The following ANKS1B variants were observed in gnomAD, a reference collection of about 807,000 sequenced individuals.
ANKS1B encodes ankyrin repeat and sterile alpha motif domain containing 1B.
A neutral mutation model predicts 148.3 loss-of-function variants in ANKS1B; 36 were observed. The ratio of observed to expected loss-of-function variants is 0.24; its 90% CI spans 0.19 to 0.32. The LOEUF is 0.32. Ranked by LOEUF, ANKS1B falls within the 10% of genes least tolerant of loss-of-function variation. ANKS1B has a pLI of 1.00. For missense variants in ANKS1B, 1,157 were observed against 1,542.6 expected (o/e 0.75, Z 4.19); for synonymous variants, 542 against 560.8 (o/e 0.97, Z 0.47).
chr12:98,827,531 C>T (rs1390248762), intron 19 of ANKS1B, among the ~76,000 whole-genome samples: 1 of 152,058 alleles, frequency 6.6e-6, no homozygotes, highest in African/African-American at 2.4e-5. Flanking sequence ...TTGGAGTGAC[C>T]CGTTAAAAGA....
intron 9 of ANKS1B, among the ~76,000 whole-genome samples, chr12:99,585,050 A>G (rs2097615980): frequency 6.6e-6 from 1 of 152,158 alleles, no homozygotes; most frequent in Non-Finnish European, 1.5e-5. Context: ...CAGTGCCTCA[A>G]TATCTTAACT....
intron 17 of ANKS1B, among the ~76,000 whole-genome samples, chr12:98,859,195 G>C (rs1015224140): frequency 6.6e-5 from 10 of 152,298 alleles, no homozygotes; most frequent in African/African-American, 1.9e-4. Flanking sequence ...GCTAAGAATA[G>C]GCAGCAATAG....
intron 15 of ANKS1B, among the ~76,000 whole-genome samples, chr12:99,113,163 A>ATTCTGCATCTTCGT (rs1390563717): frequency 6.6e-6 from 1 of 152,194 alleles, no homozygotes; most frequent in East Asian, 1.9e-4. Context: ...GGTGATACTA[A>ATTCTGCATCTTCGT]TTCTGCATCT....
chr12:99,516,667 G>A (rs1300813555), intron 9 of ANKS1B, among the ~76,000 whole-genome samples: 1 of 151,978 alleles, frequency 6.6e-6, no homozygotes, highest in Non-Finnish European at 1.5e-5. Context: ...GGGTGGATAG[G>A]TGCAGCAAAC....
intron 14 of ANKS1B, among the ~76,000 whole-genome samples, chr12:99,238,037 T>C (rs545645829): frequency 6.6e-6 from 1 of 152,288 alleles, no homozygotes; most frequent in Admixed American, 6.5e-5. Context: ...TTCATCTCAT[T>C]GAGACTGGTT....
intron 12 of ANKS1B, among the ~76,000 whole-genome samples, chr12:99,385,038 C>G (rs1566999832): frequency 6.6e-6 from 1 of 152,066 alleles, no homozygotes; most frequent in Non-Finnish European, 1.5e-5. Flanking sequence ...AATTTATAAA[C>G]AGCAATAATT....
intron 9 of ANKS1B, among the ~76,000 whole-genome samples, chr12:99,625,574 C>A (rs987701147): frequency 2.0e-5 from 3 of 152,020 alleles, no homozygotes; most frequent in Non-Finnish European, 4.4e-5. Context: ...GGAATAGCAA[C>A]TGAAGAAAGA....
chr12:99,798,453 A>G (rs988776745), intron 4 of ANKS1B, among the ~76,000 whole-genome samples: 22 of 151,600 alleles, frequency 1.5e-4, no homozygotes, highest in African/African-American at 5.3e-4. Context: ...ACAAAAGATA[A>G]CAACTCAACT....
At chr12:98,919,078 T>G (rs1226681128) in intron 17 of ANKS1B, among the ~76,000 whole-genome samples, 4 of 152,240 alleles carry the variant, frequency 2.6e-5, no homozygotes, top group African/African-American at 9.6e-5. Context: ...GTAATTTGTT[T>G]CAAAGGGTTT....
Position 98,802,594 on chromosome 12 carries a change from C to CTTT in ANKS1B, c.3142-1472_3142-1470dup, listed in dbSNP as rs397850118. Among the ~76,000 whole-genome samples, 152 of 34,788 alleles carry CTTT rather than the reference C, an allele frequency of 4.4e-3. 26 individuals are homozygous for CTTT. The highest frequency in any genetic ancestry group is 0.012 in the South Asian group (8 of 654). 22.8% of individuals were successfully genotyped at this position (34,788 alleles called of 152,430 possible). ...CTAGAGGACTTCAGTAATGCACAGGCTTTTTTTTTTTTTTTTTTTTTTTTT... is the reference window on the plus strand; with the variant it reads ...CTAGAGGACTTCAGTAATGCACAGGCTTTTTTTTTTTTTTTTTTTTTTTTTTTT... On this transcript the variant is annotated intron_variant, in intron 20 of 26. Coordinates refer to ENST00000683438, the MANE Select transcript of ANKS1B (RefSeq NM_001352186.2).
chr12:99,902,089 C>T (rs1038704952), intron 1 of ANKS1B, among the ~76,000 whole-genome samples: 2 of 151,868 alleles, frequency 1.3e-5, no homozygotes, highest in Non-Finnish European at 2.9e-5. Flanking sequence ...ATTATAAGCG[C>T]CATAAAAGAA....
intron 4 of ANKS1B, among the ~76,000 whole-genome samples, chr12:99,800,120 C>T (rs2066758155): frequency 2.0e-5 from 3 of 151,992 alleles, no homozygotes; most frequent in Admixed American, 2.0e-4. Flanking sequence ...GGATATATGG[C>T]CTTTCTGGAA....
chr12:99,669,060 A>G (rs2098523928), intron 8 of ANKS1B, among the ~76,000 whole-genome samples: 1 of 152,174 alleles, frequency 6.6e-6, no homozygotes, highest in Admixed American at 6.5e-5. Context: ...GCATATTTAT[A>G]GCAAATATTT....
At chr12:99,685,495 T>C (rs2153491344) in intron 8 of ANKS1B, among the ~76,000 whole-genome samples, 1 of 152,298 alleles carries the variant, frequency 6.6e-6, no homozygotes, top group African/African-American at 2.4e-5. Context: ...AAACTGCTAG[T>C]ACAGCTACTA....
chr12:99,334,320 T>C (rs1826900933), intron 12 of ANKS1B, among the ~76,000 whole-genome samples: 1 of 152,100 alleles, frequency 6.6e-6, no homozygotes, highest in Admixed American at 6.6e-5. Context: ...GCCTCGAGAA[T>C]GATTAGAAAC....
chr12:99,635,171 T>C (rs1174839004), intron 9 of ANKS1B, among the ~76,000 whole-genome samples: 1 of 152,214 alleles, frequency 6.6e-6, no homozygotes, highest in Non-Finnish European at 1.5e-5. Context: ...TTTAAAATGA[T>C]GCAGCCACTA....
chr12:99,527,590 C>T (rs2096939602), intron 9 of ANKS1B, among the ~76,000 whole-genome samples: 1 of 152,054 alleles, frequency 6.6e-6, no homozygotes, highest in Non-Finnish European at 1.5e-5. Context: ...CATGTTGATG[C>T]AAATTGTTGG....
At chr12:99,552,170 T>C (rs1567333450) in intron 9 of ANKS1B, among the ~76,000 whole-genome samples, 2 of 152,270 alleles carry the variant, frequency 1.3e-5, no homozygotes, top group Admixed American at 1.3e-4. Context: ...AAATCACCTA[T>C]CACACATTCT....
intron 9 of ANKS1B, among the ~76,000 whole-genome samples, chr12:99,573,813 T>A (rs1256451070): frequency 6.6e-6 from 1 of 152,116 alleles, no homozygotes; most frequent in Non-Finnish European, 1.5e-5. Context: ...TGGCAATAAA[T>A]GAACTGTCCA....
Sources: allele counts gnomAD v4.1 joint callset (sites outside exome capture counted in the v4.1 genomes callset), GRCh38; gene constraint gnomAD v4.1.1; transcripts MANE v1.5; gene names NCBI Gene and HGNC (gene_info 2026-07-23, HGNC 2026-07-21).